The following GLS variants were observed in gnomAD, a reference collection of about 807,000 sequenced individuals.
GLS encodes glutaminase kidney isoform, mitochondrial.
In GLS, 36 loss-of-function variants were observed where a neutral mutation model predicts 86.7. The ratio of observed to expected loss-of-function variants is 0.42; its 90% confidence interval spans 0.32 to 0.55. The LOEUF (loss-of-function observed/expected upper bound fraction) is 0.55, where lower values mean the gene tolerates loss of function less well. Ranked by LOEUF, GLS falls within the 20% of genes least tolerant of loss-of-function variation. The probability of loss-of-function intolerance (pLI) is 0.17; values close to 1 mark genes in which losing one functional copy is unlikely to be tolerated. For synonymous variants in GLS, 317 were observed against 305.9 expected (o/e 1.04, Z -0.38); for missense variants, 528 against 833.4 (o/e 0.63, Z 4.51).
rs1689826186 is a variant in GLS, at chr2:190,924,063, A to G, written c.1197+80A>G. On this transcript the variant is annotated intron_variant, in intron 10 of 17. Transcript: ENST00000320717. This position sits in a 1 kb window ranked among gnomAD's most constrained non-coding sequence, Gnocchi z 5.2. ...GAAGATGTATGCTAAGAATTCAACA[A>G]TAGCCTTTAAGCAACTACCTATTAC... The G allele has an allele frequency of 1.3e-6, 1 of 781,550 alleles. No individual in the cohort carries two copies. Among genetic ancestry groups the G allele is most frequent in the Non-Finnish European group, 2.2e-6 (1 of 462,992 alleles). 48.4% of individuals were successfully genotyped at this position (781,550 alleles called of 1,614,324 possible).
In GLS at chr2:190,921,226, T is replaced by C. The variant is rs1417370512; in HGVS notation, c.1130+23T>C. On this transcript the variant is annotated intron_variant, in intron 9 of 17. Coordinates refer to ENST00000320717, the MANE Select transcript of GLS (RefSeq NM_014905.5). This position sits in a 1 kb window ranked among gnomAD's most constrained non-coding sequence, Gnocchi z 4.2. Reference sequence around the variant, plus strand: ...AACGTGAGTGTTTTAAATACTGTTTTGTTACGTAAAAACACACAACTGTAT... The same window carrying C: ...AACGTGAGTGTTTTAAATACTGTTTCGTTACGTAAAAACACACAACTGTAT... The C allele has an allele frequency of 6.8e-7, 1 of 1,478,858 alleles. No homozygotes were observed. Among genetic ancestry groups the C allele is most frequent in the Admixed American group, 1.7e-5 (1 of 59,800 alleles). 91.6% of individuals were successfully genotyped at this position (1,478,858 alleles called of 1,614,324 possible).
At position 190,924,636 on chromosome 2, in the gene GLS, G is replaced by A; in HGVS notation, c.1248+43G>A. On this transcript the variant is annotated intron_variant, in intron 11 of 17. Coordinates refer to ENST00000320717, the MANE Select transcript of GLS (RefSeq NM_014905.5). The surrounding 1 kb of genome is among the most constrained non-coding windows in gnomAD (Gnocchi z 5.2). ...ATCGTATATATAAATGGATGTGTCG[G>A]CTGGGCACGGTGGCTCACGCCTGTA... 1.8e-6 allele frequency: 2 copies of A among 1,092,518 alleles called. No individual in the cohort carries two copies. Among genetic ancestry groups the A allele is most frequent in the Non-Finnish European group, 2.8e-6 (2 of 706,560 alleles). 67.7% of individuals were successfully genotyped at this position (1,092,518 alleles called of 1,614,324 possible).
chr2:190,943,384 AAGAC>A lies in GLS; in HGVS notation c.1651-10177_1651-10174del, dbSNP rs1441811789. On this transcript the variant is annotated intron_variant, in intron 14 of 17. Coordinates refer to ENST00000320717, the MANE Select transcript of GLS (RefSeq NM_014905.5). The surrounding 1 kb of genome is among the most constrained non-coding windows in gnomAD (Gnocchi z 4.5). ...ATAAAGTGATAAGGAAAGTGTATCAAAGACAGAACCCTAAGAAACCATCATTTTA... is the reference window on the plus strand; with the variant it reads ...ATAAAGTGATAAGGAAAGTGTATCAAAGAACCCTAAGAAACCATCATTTTA... Among the ~76,000 whole-genome samples the A allele has an allele frequency of 1.3e-5, 2 of 152,182 alleles. No homozygotes were observed. The highest frequency in any genetic ancestry group is 4.8e-5 in the African/African-American group (2 of 41,442).
chr2:190,908,869 T>C (rs1689252818), intron 6 of GLS, among the ~76,000 whole-genome samples: 1 of 152,244 alleles, frequency 6.6e-6, no homozygotes, highest in Non-Finnish European at 1.5e-5. Flanking sequence ...TTGAGTGTAG[T>C]ATATGTAGCA....
intron 1 of GLS, among the ~76,000 whole-genome samples, chr2:190,882,368 A>G (rs911013969): frequency 6.6e-6 from 1 of 152,202 alleles, no homozygotes; most frequent in East Asian, 1.9e-4. Context: ...TTTTTCTTAA[A>G]CAATATGCAA....
chr2:190,913,091 A>G lies in GLS; in HGVS notation c.1038+2770A>G. The G allele has an allele frequency of 9.8e-7, 1 of 1,023,416 alleles. No homozygotes were observed. Among genetic ancestry groups the G allele is most frequent in the East Asian group, 6.0e-5 (1 of 16,788 alleles). The allele number at this position is 1,023,416 out of a possible 1,614,324, so 63.4% of individuals were successfully genotyped here. A position where few individuals can be genotyped will look rare whatever the true frequency, so the allele number is the denominator to read the frequency against. On this transcript the variant is annotated intron_variant, in intron 7 of 17. Coordinates refer to ENST00000320717, the MANE Select transcript of GLS (RefSeq NM_014905.5). The surrounding 1 kb of genome is among the most constrained non-coding windows in gnomAD (Gnocchi z 6.1). ...AGGAATTTATCATGGTGCCATTAAAATCATTTTCTTCATGTTAATCCCCCC... is the reference window on the plus strand; with the variant it reads ...AGGAATTTATCATGGTGCCATTAAAGTCATTTTCTTCATGTTAATCCCCCC...
At position 190,903,642 on chromosome 2, in the gene GLS, C is replaced by T. The variant is rs921531795; in HGVS notation, c.816-1362C>T. On this transcript the variant is annotated intron_variant, in intron 5 of 17. Coordinates refer to ENST00000320717, the MANE Select transcript of GLS (RefSeq NM_014905.5). ...TTCTCTTCTTAAACATTCTCTATGT[C>T]TCTTAGTTTTTTTATCTAGAGAATT... Among the ~76,000 whole-genome samples, 14 of 152,180 alleles carry T rather than the reference C, an allele frequency of 9.2e-5. No individual in the cohort carries two copies. The South Asian group carries it at 2.9e-3, about 32-fold the overall frequency.
chr2:190,880,827 G>C lies in GLS; in HGVS notation c.-258G>C, dbSNP rs1055946142. 5.4e-6 allele frequency: 4 copies of C among 738,610 alleles called. No individual in the cohort carries two copies. Among genetic ancestry groups the C allele is most frequent in the East Asian group, 6.2e-5 (2 of 32,270 alleles). 45.8% of individuals were successfully genotyped at this position (738,610 alleles called of 1,614,324 possible). A position where few individuals can be genotyped will look rare whatever the true frequency, so the allele number is the denominator to read the frequency against. On this transcript the variant is annotated 5_prime_UTR_variant, in exon 1 of 18. Transcript: ENST00000320717. ...TCCCCTGCGCTTTAGCCTCAGTGCG[G>C]AGCCTTAGGCGGAGCGAAGAGAACC...
At chr2:190,885,682 G>C in intron 1 of GLS, among the ~76,000 whole-genome samples, 1 of 151,956 alleles carries the variant, frequency 6.6e-6, no homozygotes, top group East Asian at 1.9e-4. Context: ...TATTGCATTT[G>C]GTTTTAATTT....
Position 190,881,375 on chromosome 2 carries a change from C to T in GLS, c.291C>T (p.Pro97=), listed in dbSNP as rs1559310405. The change falls in exon 1 of 18, where the codon CCC becomes CCT. Residue 97 remains proline (P), a synonymous_variant. Transcript: ENST00000320717. ...ATCCGCAGCCCGGGGTGTCGCCACC[C>T]GCTGCCCCGGCGGCGCCCGGCCCCA... ...STHPQPGVSP[P]AAPAAPGPKD... 1.9e-6 allele frequency: 3 copies of T among 1,539,874 alleles called. No homozygotes were observed. Among genetic ancestry groups the T allele is most frequent in the African/African-American group, 1.4e-5 (1 of 71,702 alleles).
rs1294929478 is a variant in GLS at position 190,949,991 on chromosome 2, TACA to T, written c.1651-3572_1651-3570del. Among the ~76,000 whole-genome samples, 2 of 144,570 alleles carry T rather than the reference TACA, an allele frequency of 1.4e-5. No homozygotes were observed. Among genetic ancestry groups the T allele is most frequent in the African/African-American group, 5.6e-5 (2 of 35,824 alleles). The allele number at this position is 144,570 out of a possible 152,430, so 94.8% of individuals were successfully genotyped here. A position where few individuals can be genotyped will look rare whatever the true frequency, so the allele number is the denominator to read the frequency against. ...TAGTTAAAAAGGATATAGTTAACAA[TACA>T]ATATATATATATATATGAAGGGGAA... On this transcript the variant is annotated intron_variant, in intron 14 of 17. Coordinates refer to ENST00000320717, the MANE Select transcript of GLS (RefSeq NM_014905.5). The surrounding 1 kb of genome is among the most constrained non-coding windows in gnomAD (Gnocchi z 4.0).
intron 14 of GLS, chr2:190,934,306 T>A: frequency 1.0e-6 from 1 of 963,184 alleles, no homozygotes; most frequent in African/African-American, 1.8e-5. Context: ...CATAATGTCT[T>A]AAGTTTGGGA....
At chr2:190,942,492 G>T (rs1690467432) in intron 14 of GLS, among the ~76,000 whole-genome samples, 1 of 152,132 alleles carries the variant, frequency 6.6e-6, no homozygotes, top group African/African-American at 2.4e-5. Context: ...GAGATGTGTT[G>T]GTGGCTTGGA....
intron 14 of GLS, chr2:190,934,176 C>G: frequency 1.0e-6 from 1 of 982,488 alleles, no homozygotes; most frequent in Non-Finnish European, 1.2e-6. Flanking sequence ...TTGGTGGTTT[C>G]TTAGCATGAT....
rs558073073 is a variant in GLS at position 190,943,743 on chromosome 2, C to T, written c.1651-9822C>T. 6.6e-6 allele frequency among the ~76,000 whole-genome samples: 1 copy of T among 152,104 alleles called. No individual in the cohort carries two copies. Among genetic ancestry groups the T allele is most frequent in the Non-Finnish European group, 1.5e-5 (1 of 68,014 alleles). On this transcript the variant is annotated intron_variant, in intron 14 of 17. Coordinates refer to ENST00000320717, the MANE Select transcript of GLS (RefSeq NM_014905.5). The surrounding 1 kb of genome is among the most constrained non-coding windows in gnomAD (Gnocchi z 4.5). ...ATGAAAGTGCTTTGAAAAGTTACAG[C>T]ATTAGAGAAACATACTGTTATTACA...
intron 14 of GLS, chr2:190,934,362 A>G: frequency 1.0e-6 from 1 of 964,544 alleles, no homozygotes; most frequent in Non-Finnish European, 1.2e-6. Flanking sequence ...GTGCTGGCCA[A>G]AAAGCCTTTT....
chr2:190,960,505 C>T (rs1690973744), intron 17 of GLS, among the ~76,000 whole-genome samples: 1 of 151,638 alleles, frequency 6.6e-6, no homozygotes. Context: ...GCTGCAATCA[C>T]AGGCAAACAC....
intron 1 of GLS, among the ~76,000 whole-genome samples, chr2:190,891,996 A>C (rs1198523079): frequency 6.6e-6 from 1 of 152,144 alleles, no homozygotes; most frequent in Non-Finnish European, 1.5e-5. Flanking sequence ...TCTAAAAAAA[A>C]GCTTGACCTT....
chr2:190,932,659 T>C, intron 14 of GLS: 1 of 1,347,710 alleles, frequency 7.4e-7, no homozygotes, highest in Non-Finnish European at 9.8e-7. Context: ...TTTTATAGCT[T>C]GGACCTTTCT....
Sources: gnomAD v4.1 joint callset for allele counts (sites outside exome capture counted in the v4.1 genomes callset) on GRCh38, gnomAD v4.1.1 for gene constraint, Gnocchi (gnomAD v3.1) non-coding constraint, MANE v1.5 for transcripts, NCBI Gene and HGNC (gene_info 2026-07-23, HGNC 2026-07-21) for gene names.